MAP4K5: variants seen among roughly 807,000 people sequenced by gnomAD.
The protein encoded by MAP4K5 is MAPK/ERK kinase kinase kinase 5.
In MAP4K5, 82 loss-of-function variants were observed where a neutral mutation model predicts 135.6. The observed-to-expected ratio is 0.60, with a 90% CI of 0.51 to 0.73. The LOEUF (loss-of-function observed/expected upper bound fraction) is 0.73, where lower values mean the gene tolerates loss of function less well. Among genes scored for constraint, MAP4K5 ranks in the 30% least tolerant of loss-of-function variants. The pLI is 0.00. For synonymous variants in MAP4K5, 347 were observed against 335.0 expected, an observed-to-expected ratio of 1.04 and a Z score of -0.39; for missense variants, 907 against 1,010.9, an observed-to-expected ratio of 0.90 and a Z score of 1.39.
At chr14:50,542,006 C>CAAAAAAA (rs59075218) in intron 2 of MAP4K5, among the ~76,000 whole-genome samples, 16 of 62,480 alleles carry the variant, frequency 2.6e-4, no homozygotes, top group African/African-American at 4.8e-4. Flanking sequence ...GATTCCGTCT[C>CAAAAAAA]AAAAAAAAAA....
At chr14:50,460,975 C>T (rs573854101) in intron 13 of MAP4K5, among the ~76,000 whole-genome samples, 2 of 152,026 alleles carry the variant, frequency 1.3e-5, no homozygotes, top group Non-Finnish European at 2.9e-5. Flanking sequence ...ATTATTTGGC[C>T]TAATACTTGG....
intron 10 of MAP4K5, among the ~76,000 whole-genome samples, chr14:50,467,408 C>T (rs996842534): frequency 4.6e-5 from 7 of 151,992 alleles, no homozygotes; most frequent in Non-Finnish European, 7.4e-5. Flanking sequence ...ATTTTCTAAT[C>T]TCTTTAAAAC....
At chr14:50,461,498 G>A (rs953377736) in intron 13 of MAP4K5, among the ~76,000 whole-genome samples, 1 of 152,078 alleles carries the variant, frequency 6.6e-6, no homozygotes, top group Non-Finnish European at 1.5e-5. Context: ...CATAAAAGGA[G>A]AAGAAGGAAC....
chr14:50,466,636 G>A lies in MAP4K5; in HGVS notation c.684C>T (p.Phe228=). The A allele has an allele frequency of 7.0e-7, 1 of 1,430,258 alleles. No homozygotes were observed. Among genetic ancestry groups the A allele is most frequent in the African/African-American group, 1.4e-5 (1 of 70,664 alleles). 88.6% of individuals were successfully genotyped at this position (1,430,258 alleles called of 1,614,324 possible). ...MFDLHPMRAL[F]LMSKSNFQPP... is the part of the protein sequence containing the mutation. ...GCTGAAAATTACTTTTTGACATTAAGAAGAGAGCCCTGAAATAAAAATTAT... is the reference window on the plus strand; with the variant it reads ...GCTGAAAATTACTTTTTGACATTAAAAAGAGAGCCCTGAAATAAAAATTAT... The change falls in exon 11 of 33, where the codon TTC becomes TTT. Residue 228 remains phenylalanine, a synonymous_variant. Transcript: ENST00000682126.
chr14:50,498,497 A>C (rs2037640883), intron 3 of MAP4K5, among the ~76,000 whole-genome samples: 1 of 152,202 alleles, frequency 6.6e-6, no homozygotes, highest in South Asian at 2.1e-4. Flanking sequence ...TGGCTAATTA[A>C]TAAACGCGAT....
chr14:50,420,713 CA>C (rs2035709947), intron 32 of MAP4K5, among the ~76,000 whole-genome samples: 2 of 152,110 alleles, frequency 1.3e-5, no homozygotes, highest in African/African-American at 4.8e-5. Context: ...ATTTCACTAA[CA>C]GGAAGAGGAT....
chr14:50,465,856 T>C (rs1164893578), intron 11 of MAP4K5, among the ~76,000 whole-genome samples: 3 of 152,064 alleles, frequency 2.0e-5, no homozygotes, highest in Admixed American at 1.3e-4. Flanking sequence ...AGTGGGCAGA[T>C]TACGGGGTCA....
chr14:50,510,414 T>C (rs138515301), intron 2 of MAP4K5, among the ~76,000 whole-genome samples: 7 of 152,266 alleles, frequency 4.6e-5, no homozygotes, highest in Non-Finnish European at 1.0e-4. Context: ...CTCCAGGAAG[T>C]CTCCCTGGTA....
At chr14:50,430,613 A>G (rs2035948361) in intron 28 of MAP4K5, among the ~76,000 whole-genome samples, 1 of 152,228 alleles carries the variant, frequency 6.6e-6, no homozygotes, top group East Asian at 1.9e-4. Flanking sequence ...TCAGTAAAAC[A>G]ATTCAGTGTA....
intron 3 of MAP4K5, among the ~76,000 whole-genome samples, chr14:50,499,551 A>G (rs1595517154): frequency 6.6e-6 from 1 of 151,976 alleles, no homozygotes; most frequent in Non-Finnish European, 1.5e-5. Flanking sequence ...CCAGCTACTC[A>G]GGAGGCTGAG....
At chr14:50,524,777 G>A (rs951005593) in intron 2 of MAP4K5, among the ~76,000 whole-genome samples, 4 of 152,042 alleles carry the variant, frequency 2.6e-5, no homozygotes, top group African/African-American at 7.3e-5. Flanking sequence ...GATAAGCAGG[G>A]CCTTAACAGG....
intron 21 of MAP4K5, among the ~76,000 whole-genome samples, chr14:50,441,487 G>A (rs138618248): frequency 1.1e-3 from 172 of 152,090 alleles, no homozygotes; most frequent in Admixed American, 2.3e-3. Context: ...CCCCAATTAA[G>A]GGACATTCTA....
At chr14:50,452,375 G>A (rs978140537) in intron 14 of MAP4K5, among the ~76,000 whole-genome samples, 2 of 152,094 alleles carry the variant, frequency 1.3e-5, no homozygotes, top group African/African-American at 4.8e-5. Flanking sequence ...AGGGTTTTTT[G>A]TTGTTGTTTT....
chr14:50,550,902 T>A (rs959685055), intron 1 of MAP4K5, among the ~76,000 whole-genome samples: 6 of 152,020 alleles, frequency 3.9e-5, no homozygotes, highest in African/African-American at 1.4e-4. Context: ...AAAATGGTGC[T>A]AAGAGGGAAG....
In MAP4K5 at chr14:50,482,690, T is replaced by C. The variant is rs142899466; in HGVS notation, c.323-274A>G. ...TACTCGGAAGGCTGAGGCAGGAGAATTGCTTGAACCCGGGAGGCAGGGGTT... is the reference window on the plus strand; with the variant it reads ...TACTCGGAAGGCTGAGGCAGGAGAACTGCTTGAACCCGGGAGGCAGGGGTT... On this transcript the variant is annotated intron_variant, in intron 5 of 32. Coordinates refer to ENST00000682126, the MANE Select transcript of MAP4K5 (RefSeq NM_006575.6). 6.8e-3 allele frequency: 1,700 copies of C among 250,302 alleles called. 31 individuals carry two copies. Among genetic ancestry groups the C allele is most frequent in the African/African-American group, 0.036 (1,577 of 43,512 alleles). 15.5% of individuals were successfully genotyped at this position (250,302 alleles called of 1,614,324 possible). A position where few individuals can be genotyped will look rare whatever the true frequency, so the allele number is the denominator to read the frequency against.
chr14:50,542,649 C>T (rs2038580288), intron 1 of MAP4K5: 1 of 151,940 alleles, frequency 6.6e-6, no homozygotes, highest in African/African-American at 2.4e-5. Context: ...TTCTTTGCCA[C>T]CTGTTTTTTT....
chr14:50,476,287 G>C lies in MAP4K5; in HGVS notation c.398C>G (p.Thr133Ser), dbSNP rs530564813. 4.2e-6 allele frequency: 6 copies of C among 1,433,164 alleles called. No homozygotes were observed. In the South Asian group the frequency reaches 8.8e-5, roughly 21 times the overall value. The allele number at this position is 1,433,164 out of a possible 1,614,324, so 88.8% of individuals were successfully genotyped here. A position where few individuals can be genotyped will look rare whatever the true frequency, so the allele number is the denominator to read the frequency against. ...ETLQGLAYLH[T>S]KGKMHRDIKG... The stretch of plus-strand genomic sequence containing the variant: ...GATATCTCTATGCATTTTGCCTTTA[G>C]TATGCAAATAGGCAAGACCCTAAAA... Residue 133 changes from threonine (T) to serine (S), a missense_variant, in exon 7 of 33, where the codon ACT becomes AGT. Transcript: ENST00000682126.
intron 22 of MAP4K5, 114 bp downstream of exon 22, chr14:50,440,248 A>C: frequency 1.2e-6 from 1 of 808,144 alleles, no homozygotes; most frequent in Non-Finnish European, 1.9e-6. Flanking sequence ...TTATCCCTTT[A>C]AATATTTAAA....
chr14:50,476,155 A>G lies in MAP4K5; in HGVS notation c.442T>C (p.Leu148=). 3 of 1,510,978 alleles carry G rather than the reference A, an allele frequency of 2.0e-6. No individual in the cohort carries two copies. Among genetic ancestry groups the G allele is most frequent in the Non-Finnish European group, 2.7e-6 (3 of 1,123,464 alleles). 93.6% of individuals were successfully genotyped at this position (1,510,978 alleles called of 1,614,324 possible). The change falls in exon 8 of 33, where the codon TTG becomes CTG. Residue 148 remains leucine (L), a synonymous_variant. Transcript: ENST00000682126. The part of the protein sequence containing the change: ...HRDIKGANIL[L]TDHGDVKLAD... Reference sequence around the variant, plus strand: ...AATTTTACATCGCCATGGTCTGTCAATAAAATATTAGCACCCTAGAACAAA... The same window carrying G: ...AATTTTACATCGCCATGGTCTGTCAGTAAAATATTAGCACCCTAGAACAAA...
Sources: gnomAD v4.1 joint callset for allele counts (sites outside exome capture counted in the v4.1 genomes callset) on GRCh38, gnomAD v4.1.1 for gene constraint, MANE v1.5 for transcripts, NCBI Gene and HGNC (gene_info 2026-07-23, HGNC 2026-07-21) for gene names.